The following TAFA1 variants were observed in gnomAD, a reference collection of about 807,000 sequenced individuals.
The protein encoded by TAFA1 is chemokine-like protein TAFA-1.
In TAFA1, 4 loss-of-function variants were observed where a neutral mutation model predicts 18.5. That is an observed-to-expected ratio of 0.22 (90% CI 0.11 to 0.49). The LOEUF (loss-of-function observed/expected upper bound fraction) is 0.49, where lower values mean the gene tolerates loss of function less well. TAFA1 is among the 20% of genes least tolerant of loss of function. The pLI, the probability that TAFA1 is intolerant of heterozygous loss-of-function variation, is 0.98. For synonymous variants in TAFA1, 56 were observed against 55.2 expected (o/e 1.01, Z -0.06); for missense variants, 147 against 169.0 (o/e 0.87, Z 0.72).
chr3:68,002,666 T>C (rs951710809), upstream of TAFA1, among the ~76,000 whole-genome samples: 8 of 152,198 alleles, frequency 5.3e-5, no homozygotes, highest in Admixed American at 3.3e-4. Flanking sequence ...AATATAATAG[T>C]TATTTTTTTG....
intron 2 of TAFA1, among the ~76,000 whole-genome samples, chr3:68,221,384 A>G (rs975583520): frequency 5.3e-5 from 8 of 152,002 alleles, no homozygotes; most frequent in African/African-American, 1.9e-4. Context: ...CCTACATACA[A>G]CTCTGATAAG....
chr3:68,318,504 A>G (rs1052177846), intron 2 of TAFA1, among the ~76,000 whole-genome samples: 1 of 152,204 alleles, frequency 6.6e-6, no homozygotes, highest in South Asian at 2.1e-4. Context: ...ATGGAAACCC[A>G]CAGAAATGAC....
chr3:68,050,455 G>A (rs770422946), intron 2 of TAFA1, among the ~76,000 whole-genome samples: 7 of 152,140 alleles, frequency 4.6e-5, no homozygotes, highest in Admixed American at 6.5e-5. Flanking sequence ...TGGGGATTTG[G>A]GCTGGGCACC....
chr3:68,173,199 A>G (rs1330627185), intron 2 of TAFA1, among the ~76,000 whole-genome samples: 1 of 152,168 alleles, frequency 6.6e-6, no homozygotes, highest in Non-Finnish European at 1.5e-5. Context: ...CAAAGAAAAC[A>G]CAAGAAACAT....
intron 2 of TAFA1, among the ~76,000 whole-genome samples, chr3:68,404,159 G>A (rs1009633032): frequency 6.6e-6 from 1 of 152,166 alleles, no homozygotes; most frequent in African/African-American, 2.4e-5. Context: ...AAGAAAGCTT[G>A]TATGATTTTC....
At chr3:68,225,562 T>A (rs936437897) in intron 2 of TAFA1, among the ~76,000 whole-genome samples, 1 of 152,080 alleles carries the variant, frequency 6.6e-6, no homozygotes. Context: ...ATACTGATAG[T>A]CGTAGGAAAT....
At chr3:68,348,907 A>C (rs2069213492) in intron 2 of TAFA1, among the ~76,000 whole-genome samples, 1 of 152,038 alleles carries the variant, frequency 6.6e-6, no homozygotes. Flanking sequence ...GGTTGGGGCA[A>C]AAGCAAAATG....
At chr3:68,542,885 C>G (rs1418693962) in intron 4 of TAFA1, among the ~76,000 whole-genome samples, 3 of 152,092 alleles carry the variant, frequency 2.0e-5, no homozygotes, top group Non-Finnish European at 2.9e-5. Context: ...ATTTTTACGA[C>G]AGAGGACGCA....
At chr3:68,542,975 T>TATC (rs2073402073) in intron 4 of TAFA1, among the ~76,000 whole-genome samples, 1 of 152,184 alleles carries the variant, frequency 6.6e-6, no homozygotes, top group South Asian at 2.1e-4. Flanking sequence ...AAAAATAAGT[T>TATC]ATCAGTTTAC....
chr3:68,262,345 A>ATT (rs1379846500), intron 2 of TAFA1, among the ~76,000 whole-genome samples: 32 of 90,298 alleles, frequency 3.5e-4, no homozygotes, highest in African/African-American at 7.6e-4. Context: ...ATATATATAT[A>ATT]TATATATATA....
chr3:68,467,737 T>A (rs2071916531), intron 3 of TAFA1, among the ~76,000 whole-genome samples: 1 of 152,138 alleles, frequency 6.6e-6, no homozygotes, highest in Non-Finnish European at 1.5e-5. Context: ...TGCTAGAGGA[T>A]GGGGAACCTG....
chr3:68,083,971 A>G (rs1285483738), intron 2 of TAFA1, among the ~76,000 whole-genome samples: 2 of 151,976 alleles, frequency 1.3e-5, no homozygotes, highest in East Asian at 3.9e-4. Flanking sequence ...TTCTTTCCAT[A>G]TTTCCCTATT....
chr3:68,195,429 C>G lies in TAFA1; in HGVS notation c.118+188685C>G, dbSNP rs58902078. Among the ~76,000 whole-genome samples, 1,255 of 149,564 alleles carry G rather than the reference C, an allele frequency of 8.4e-3. 18 individuals are homozygous for G. Among genetic ancestry groups the G allele is most frequent in the African/African-American group, 0.028 (1,152 of 40,580 alleles). ...ATAGGTGCTTATGATCATGTCTTAT[C>G]TGAAATTCGACATTATGACCATTCT... is the stretch of plus-strand genomic sequence containing the variant. On this transcript the variant is annotated intron_variant, in intron 2 of 4. Transcript: ENST00000478136.
At chr3:68,330,783 G>T (rs2106728650) in intron 2 of TAFA1, among the ~76,000 whole-genome samples, 1 of 152,284 alleles carries the variant, frequency 6.6e-6, no homozygotes, top group South Asian at 2.1e-4. Context: ...TTAGCTTTGA[G>T]ATATTTACCT....
chr3:68,493,150 C>T (rs1467715564), intron 3 of TAFA1, among the ~76,000 whole-genome samples: 1 of 152,122 alleles, frequency 6.6e-6, no homozygotes, highest in East Asian at 1.9e-4. Context: ...CTCCCCTTTT[C>T]TCCCTCTTCC....
rs183575047 is a variant in TAFA1 at position 68,382,452 on chromosome 3, C to T, written c.119-34828C>T. ...TTCTGCTTATGGTTAGCCAGTTATC[C>T]CAGCACTATTTATTTAATAGGGAAT... On this transcript the variant is annotated intron_variant, in intron 2 of 4. Coordinates refer to ENST00000478136, the MANE Select transcript of TAFA1 (RefSeq NM_213609.4). 2.1e-3 allele frequency among the ~76,000 whole-genome samples: 315 copies of T among 152,130 alleles called. 2 individuals are homozygous for T. The highest frequency in any genetic ancestry group is 3.3e-3 in the Non-Finnish European group (227 of 67,992).
At chr3:68,147,397 C>G (rs1358221588) in intron 2 of TAFA1, among the ~76,000 whole-genome samples, 1 of 151,942 alleles carries the variant, frequency 6.6e-6, no homozygotes, top group Non-Finnish European at 1.5e-5. Context: ...GCAAAATATC[C>G]CCCCCTCCCA....
intron 2 of TAFA1, among the ~76,000 whole-genome samples, chr3:68,257,066 C>T (rs1456024077): frequency 2.6e-5 from 4 of 152,108 alleles, no homozygotes; most frequent in Non-Finnish European, 5.9e-5. Context: ...ACTCGTAACG[C>T]TCTGCTTATG....
At chr3:68,164,375 A>T (rs2065959220) in intron 2 of TAFA1, among the ~76,000 whole-genome samples, 1 of 152,216 alleles carries the variant, frequency 6.6e-6, no homozygotes, top group Non-Finnish European at 1.5e-5. Context: ...GTTGTAACTT[A>T]TGCTATCACC....
Sources: allele counts gnomAD v4.1 joint callset (sites outside exome capture counted in the v4.1 genomes callset), GRCh38; gene constraint gnomAD v4.1.1; transcripts MANE v1.5; gene names NCBI Gene and HGNC (gene_info 2026-07-23, HGNC 2026-07-21).